TRIM71: variants seen among roughly 807,000 people sequenced by gnomAD.
TRIM71 encodes tripartite motif containing 71.
A neutral mutation model predicts 61.2 loss-of-function variants in TRIM71; 9 were observed. The observed-to-expected ratio is 0.15, with a 90% CI of 0.09 to 0.26. The LOEUF (loss-of-function observed/expected upper bound fraction) is 0.26, where lower values mean the gene tolerates loss of function less well. Ranked by LOEUF, TRIM71 falls within the 10% of genes least tolerant of loss-of-function variation. TRIM71 has a pLI of 1.00. For synonymous variants in TRIM71, 645 were observed against 553.2 expected (o/e 1.17, Z -2.33); for missense variants, 998 against 1,238.7 (o/e 0.81, Z 2.92).
chr3:32,818,908 C>T lies in TRIM71; in HGVS notation c.828C>T (p.Gly276=), dbSNP rs937355000. 6.2e-7 allele frequency: 1 copy of T among 1,612,688 alleles called. No homozygotes were observed. Among genetic ancestry groups the T allele is most frequent in the Non-Finnish European group, 8.5e-7 (1 of 1,179,864 alleles). ...SILSVFPERL[G]FCQHHDDEVL... ...TCTCAGTGTTTCCCGAGCGCCTCGG[C>T]TTCTGCCAGCACCACGACGACGAGG... Residue 276 remains glycine, a synonymous_variant, in exon 1 of 4, where the codon GGC becomes GGT. Transcript: ENST00000383763.
chr3:32,888,023 G>C (rs940590346), intron 3 of TRIM71, among the ~76,000 whole-genome samples: 3 of 152,044 alleles, frequency 2.0e-5, no homozygotes, highest in Non-Finnish European at 4.4e-5. Flanking sequence ...CTTCACAGGG[G>C]GAAATTGCTT....
At chr3:32,847,303 T>C (rs1259713735) in intron 1 of TRIM71, among the ~76,000 whole-genome samples, 1 of 151,824 alleles carries the variant, frequency 6.6e-6, no homozygotes, top group Non-Finnish European at 1.5e-5. Context: ...TCCAAGTGAT[T>C]CTCCTGCCTC....
Position 32,895,283 on chromosome 3 carries a change from G to A in TRIM71, c.*3472G>A, listed in dbSNP as rs982669543. ...TGCCCTTTTAAGTCTAACTTATTTG[G>A]GAAACACATAACAAAGGGTACCATA... is the stretch of plus-strand genomic sequence containing the variant. On this transcript the variant is annotated 3_prime_UTR_variant, in exon 4 of 4. Coordinates refer to ENST00000383763, the MANE Select transcript of TRIM71 (RefSeq NM_001039111.3). The A allele has an allele frequency of 6.6e-6, 1 of 152,124 alleles. No homozygotes were observed. Among genetic ancestry groups the A allele is most frequent in the Non-Finnish European group, 1.5e-5 (1 of 68,028 alleles). The allele number at this position is 152,124 out of a possible 1,614,324, so 9.4% of individuals were successfully genotyped here. A position where few individuals can be genotyped will look rare whatever the true frequency, so the allele number is the denominator to read the frequency against.
At chr3:32,875,030 A>G (rs1696840323) in intron 2 of TRIM71, among the ~76,000 whole-genome samples, 1 of 152,134 alleles carries the variant, frequency 6.6e-6, no homozygotes, top group Non-Finnish European at 1.5e-5. Flanking sequence ...CTTGCTGGCC[A>G]GGTTGGTCTC....
At chr3:32,851,085 CTG>C (rs1320779459) in intron 1 of TRIM71, among the ~76,000 whole-genome samples, 12 of 152,212 alleles carry the variant, frequency 7.9e-5, no homozygotes, top group Admixed American at 7.9e-4. Context: ...CGCTTTCTCA[CTG>C]TGACTATGGA....
Position 32,818,043 on chromosome 3 carries a change from CCT to C in TRIM71, c.-33_-32del. Reference sequence around the variant, plus strand: ...GCTCTCTCCTCCTCCTCCTCCTCTTCCTCTCTGGTCTCCTCCCTCCTCCGGGC... The same window carrying C: ...GCTCTCTCCTCCTCCTCCTCCTCTTCCTCTGGTCTCCTCCCTCCTCCGGGC... On this transcript the variant is annotated 5_prime_UTR_variant, in exon 1 of 4. Coordinates refer to ENST00000383763, the MANE Select transcript of TRIM71 (RefSeq NM_001039111.3). 6.3e-7 allele frequency: 1 copy of C among 1,594,152 alleles called. No individual in the cohort carries two copies. Among genetic ancestry groups the C allele is most frequent in the Non-Finnish European group, 8.6e-7 (1 of 1,165,358 alleles).
Position 32,818,726 on chromosome 3 carries a change from C to G in TRIM71, c.646C>G (p.Gln216Glu). ...NAASSRCLDC[Q>E]EHLCDNCVRA... ...AGCTTCTTCGCGCTGCCTCGACTGC[C>G]AGGAGCACCTGTGCGACAACTGCGT... is the stretch of plus-strand genomic sequence containing the variant. Residue 216 changes from glutamine to glutamate, a missense_variant, in exon 1 of 4, where the codon CAG becomes GAG. By Grantham distance (29) the Gln-to-Glu change is conservative. Transcript: ENST00000383763. 6.3e-7 allele frequency: 1 copy of G among 1,598,430 alleles called. No individual in the cohort carries two copies. Among genetic ancestry groups the G allele is most frequent in the South Asian group, 1.1e-5 (1 of 90,338 alleles).
At chr3:32,843,824 G>T (rs1696438964) in intron 1 of TRIM71, among the ~76,000 whole-genome samples, 1 of 152,168 alleles carries the variant, frequency 6.6e-6, no homozygotes, top group South Asian at 2.1e-4. Context: ...AAGGTGCAGA[G>T]CCGGCCCAGA....
chr3:32,818,160 C>G lies in TRIM71; in HGVS notation c.80C>G (p.Ser27Cys). Reference sequence around the variant, plus strand: ...TGCGGCTCGCCGGCGCCGCTCTCCTCCAACTCGTCCGCGTCGTCGTCCTCC... The same window carrying G: ...TGCGGCTCGCCGGCGCCGCTCTCCTGCAACTCGTCCGCGTCGTCGTCCTCC... ...EMCGSPAPLSSNSSASSSSSQ... is the reference protein window; with the variant it reads ...EMCGSPAPLSCNSSASSSSSQ... Residue 27 changes from serine to cysteine, a missense_variant, in exon 1 of 4, where the codon TCC (serine) becomes TGC (cysteine). Transcript: ENST00000383763. The G allele has an allele frequency of 1.9e-6, 3 of 1,606,856 alleles. No homozygotes were observed. Among genetic ancestry groups the G allele is most frequent in the Non-Finnish European group, 2.5e-6 (3 of 1,176,988 alleles).
At chr3:32,847,889 A>G (rs754445017) in intron 1 of TRIM71, among the ~76,000 whole-genome samples, 15 of 152,340 alleles carry the variant, frequency 9.8e-5, no homozygotes, top group Admixed American at 3.3e-4. Flanking sequence ...TATTAGAAAT[A>G]AGGCAATAAA....
intron 2 of TRIM71, among the ~76,000 whole-genome samples, chr3:32,880,819 G>C (rs541985026): frequency 3.9e-5 from 6 of 152,112 alleles, no homozygotes; most frequent in African/African-American, 1.2e-4. Flanking sequence ...TGGGGATAGC[G>C]ATAAACAGGA....
In TRIM71 at chr3:32,860,310, C is replaced by T. The variant is rs560542119; in HGVS notation, c.853-13508C>T. On this transcript the variant is annotated intron_variant, in intron 1 of 3. Coordinates refer to ENST00000383763, the MANE Select transcript of TRIM71 (RefSeq NM_001039111.3). ...AGTAGTTGGGATTACAGGCGCCCACCACCACGCCCAGCTATATTTTGTATT... is the reference window on the plus strand; with the variant it reads ...AGTAGTTGGGATTACAGGCGCCCACTACCACGCCCAGCTATATTTTGTATT... Among the ~76,000 whole-genome samples the T allele has an allele frequency of 1.6e-4, 25 of 152,080 alleles. No homozygotes were observed. The South Asian group carries it at 4.8e-3, about 29-fold the overall frequency.
At chr3:32,841,995 A>G (rs546675947) in intron 1 of TRIM71, among the ~76,000 whole-genome samples, 1 of 152,040 alleles carries the variant, frequency 6.6e-6, no homozygotes, top group Non-Finnish European at 1.5e-5. Flanking sequence ...GAACAACTCC[A>G]CTCGCTTCTG....
chr3:32,823,922 A>G (rs1696169708), intron 1 of TRIM71, among the ~76,000 whole-genome samples: 1 of 151,976 alleles, frequency 6.6e-6, no homozygotes, highest in South Asian at 2.1e-4. Context: ...AAATACAACA[A>G]AAATTAGCCA....
rs545093218 is a variant in TRIM71, at chr3:32,892,704, G to A, written c.*893G>A. 1 of 152,282 alleles carries A rather than the reference G, an allele frequency of 6.6e-6. No individual in the cohort carries two copies. Among genetic ancestry groups the A allele is most frequent in the Non-Finnish European group, 1.5e-5 (1 of 68,016 alleles). The allele number at this position is 152,282 out of a possible 1,614,324, so 9.4% of individuals were successfully genotyped here. ...AAAAAGTATATAGATGGTAGCTCAGGATTTTTGATTAAACATATTCTCAAA... is the reference window on the plus strand; with the variant it reads ...AAAAAGTATATAGATGGTAGCTCAGAATTTTTGATTAAACATATTCTCAAA... On this transcript the variant is annotated 3_prime_UTR_variant, in exon 4 of 4. Transcript: ENST00000383763.
At chr3:32,838,904 G>A (rs1696371207) in intron 1 of TRIM71, among the ~76,000 whole-genome samples, 1 of 152,102 alleles carries the variant, frequency 6.6e-6, no homozygotes. Flanking sequence ...GGGTTCAAGT[G>A]ATTCTCCTGC....
chr3:32,879,290 G>A (rs1267305873), intron 2 of TRIM71, among the ~76,000 whole-genome samples: 3 of 152,214 alleles, frequency 2.0e-5, no homozygotes, highest in Non-Finnish European at 4.4e-5. Context: ...CCTCATTGCT[G>A]TTTGAGTGTT....
At chr3:32,852,810 A>G (rs1353089416) in intron 1 of TRIM71, among the ~76,000 whole-genome samples, 1 of 152,136 alleles carries the variant, frequency 6.6e-6, no homozygotes, top group Non-Finnish European at 1.5e-5. Flanking sequence ...AGTATAAGCA[A>G]TAATGAAACA....
Position 32,891,858 on chromosome 3 carries a change from C to CTT in TRIM71, c.*48_*49insTT. ...GTTTGGGGTGTGTGTGCGTGTCTCT[C>CTT]TCTCTCTCTCTCTCTTTCTCTTTCT... On this transcript the variant is annotated 3_prime_UTR_variant, in exon 4 of 4. Coordinates refer to ENST00000383763, the MANE Select transcript of TRIM71 (RefSeq NM_001039111.3). The surrounding 1 kb of genome is among the most constrained non-coding windows in gnomAD (Gnocchi z 8.2). 1 of 1,461,446 alleles carries CTT rather than the reference C, an allele frequency of 6.8e-7. No individual in the cohort carries two copies. The highest frequency in any genetic ancestry group is 9.5e-7 in the Non-Finnish European group (1 of 1,057,276). The allele number at this position is 1,461,446 out of a possible 1,614,324, so 90.5% of individuals were successfully genotyped here.
Sources: allele counts gnomAD v4.1 joint callset (sites outside exome capture counted in the v4.1 genomes callset), GRCh38; gene constraint gnomAD v4.1.1; non-coding constraint Gnocchi (gnomAD v3.1); transcripts MANE v1.5; gene names NCBI Gene and HGNC (gene_info 2026-07-23, HGNC 2026-07-21).